Variants in DPP10 observed in about 807,000 individuals in gnomAD.
The protein encoded by DPP10 is inactive dipeptidyl peptidase 10.
Under a neutral mutation model 120.9 loss-of-function variants are expected in DPP10, and 33 were observed. The ratio of observed to expected loss-of-function variants is 0.27; its 90% confidence interval spans 0.21 to 0.37. The LOEUF is 0.37. Ranked by LOEUF, DPP10 falls within the 10% of genes least tolerant of loss-of-function variation. DPP10 has a pLI of 1.00. For missense variants in DPP10, 816 were observed against 942.8 expected, an observed-to-expected ratio of 0.87 and a Z score of 1.76; for synonymous variants, 337 against 326.1, an observed-to-expected ratio of 1.03 and a Z score of -0.36.
At chr2:115,397,447 T>G (rs1212752993) in intron 3 of DPP10, among the ~76,000 whole-genome samples, 1 of 152,200 alleles carries the variant, frequency 6.6e-6, no homozygotes, top group Non-Finnish European at 1.5e-5. Context: ...AAAGATAGTG[T>G]GCCATAGTCA....
intron 1 of DPP10, among the ~76,000 whole-genome samples, chr2:114,476,211 A>G (rs1251968432): frequency 1.3e-5 from 2 of 152,200 alleles, no homozygotes; most frequent in African/African-American, 4.8e-5. Context: ...TGTGTATTTA[A>G]TGGATATCTA....
intron 1 of DPP10, among the ~76,000 whole-genome samples, chr2:114,580,589 A>C (rs987093617): frequency 7.2e-5 from 11 of 152,200 alleles, no homozygotes; most frequent in Non-Finnish European, 1.5e-4. Context: ...ATAAAACTTT[A>C]AATTTTATCT....
chr2:115,510,873 T>C (rs576972527), intron 4 of DPP10, among the ~76,000 whole-genome samples: 1 of 152,194 alleles, frequency 6.6e-6, no homozygotes, highest in Non-Finnish European at 1.5e-5. Context: ...AATTTGTTAC[T>C]AGGTATTTTA....
At chr2:115,754,189 C>A (rs1679108857) in intron 11 of DPP10, among the ~76,000 whole-genome samples, 1 of 152,076 alleles carries the variant, frequency 6.6e-6, no homozygotes, top group Admixed American at 6.6e-5. Context: ...TTTTTGTGAT[C>A]TAAGCAGACA....
chr2:114,684,571 C>T (rs1442752393), intron 1 of DPP10, among the ~76,000 whole-genome samples: 1 of 151,934 alleles, frequency 6.6e-6, no homozygotes, highest in Non-Finnish European at 1.5e-5. Flanking sequence ...AGAAACTTGA[C>T]TGCACTAGGA....
intron 1 of DPP10, among the ~76,000 whole-genome samples, chr2:115,149,724 A>G (rs181024075): frequency 2.1e-3 from 321 of 152,210 alleles, no homozygotes; most frequent in African/African-American, 7.3e-3. Context: ...TAACACCACA[A>G]CCTGGTTGCA....
At chr2:115,153,696 CT>C (rs779788274) in intron 1 of DPP10, among the ~76,000 whole-genome samples, 15 of 152,098 alleles carry the variant, frequency 9.9e-5, no homozygotes, top group Admixed American at 1.3e-4. Flanking sequence ...CTGATTTTAC[CT>C]TTTTTGAAGT....
chr2:115,119,254 G>A (rs1187905993), intron 1 of DPP10, among the ~76,000 whole-genome samples: 1 of 152,120 alleles, frequency 6.6e-6, no homozygotes, highest in African/African-American at 2.4e-5. Flanking sequence ...TCATATACCA[G>A]TTAAACTGCA....
At chr2:115,570,596 G>T (rs1415960130) in intron 5 of DPP10, among the ~76,000 whole-genome samples, 4 of 152,148 alleles carry the variant, frequency 2.6e-5, no homozygotes, top group Non-Finnish European at 5.9e-5. Context: ...ATCTTCAGGT[G>T]AATGCCAAAT....
At chr2:114,795,328 A>T (rs200159000) in intron 1 of DPP10, among the ~76,000 whole-genome samples, 5 of 29,714 alleles carry the variant, frequency 1.7e-4, no homozygotes, top group Admixed American at 6.1e-4. Context: ...ACTAAAAATT[A>T]AAAAAAAAAA....
At chr2:114,912,640 G>C (rs1469142481) in intron 1 of DPP10, among the ~76,000 whole-genome samples, 1 of 151,962 alleles carries the variant, frequency 6.6e-6, no homozygotes, top group Admixed American at 6.6e-5. Flanking sequence ...TACAGACCTG[G>C]GGCTGAAGCA....
At chr2:114,656,852 G>A (rs1412675190) in intron 1 of DPP10, among the ~76,000 whole-genome samples, 1 of 152,068 alleles carries the variant, frequency 6.6e-6, no homozygotes, top group Non-Finnish European at 1.5e-5. Context: ...TTTTCAAAAG[G>A]TATTAATAAC....
chr2:115,315,143 A>G (rs944606791), intron 2 of DPP10, among the ~76,000 whole-genome samples: 2 of 151,912 alleles, frequency 1.3e-5, no homozygotes, highest in African/African-American at 4.8e-5. Flanking sequence ...GCCCACAAAT[A>G]TGATGTTGAG....
At chr2:114,644,862 G>A (rs1038411688) in intron 1 of DPP10, among the ~76,000 whole-genome samples, 1 of 151,794 alleles carries the variant, frequency 6.6e-6, no homozygotes, top group Admixed American at 6.5e-5. Flanking sequence ...CTTTCTGATC[G>A]AGTGGGTAAA....
At chr2:114,767,172 A>G (rs1380402640) in intron 1 of DPP10, among the ~76,000 whole-genome samples, 1 of 140,184 alleles carries the variant, frequency 7.1e-6, no homozygotes. Context: ...TATCAAGACC[A>G]TAGTTAGACA....
At chr2:115,768,938 A>C (rs1205467608) in intron 13 of DPP10, among the ~76,000 whole-genome samples, 1 of 152,066 alleles carries the variant, frequency 6.6e-6, no homozygotes, top group Non-Finnish European at 1.5e-5. Flanking sequence ...TGTAAAATAT[A>C]ATCTATGTTT....
intron 5 of DPP10, among the ~76,000 whole-genome samples, chr2:115,673,156 T>C (rs2090037341): frequency 6.6e-6 from 1 of 152,204 alleles, no homozygotes; most frequent in African/African-American, 2.4e-5. Context: ...CTCTACTCTC[T>C]CTCCAAAACA....
chr2:115,076,660 T>TAA (rs757787194), intron 1 of DPP10, among the ~76,000 whole-genome samples: 1 of 152,206 alleles, frequency 6.6e-6, no homozygotes, highest in African/African-American at 2.4e-5. Flanking sequence ...GAGTTTTCTC[T>TAA]ATGTTGGTAA....
rs113038797 is a variant in DPP10 at position 115,810,933 on chromosome 2, A to T, written c.1701-3860A>T. 8.6e-3 allele frequency among the ~76,000 whole-genome samples: 1,311 copies of T among 152,350 alleles called. 9 individuals carry two copies. Among genetic ancestry groups the T allele is most frequent in the Middle Eastern group, 0.02 (6 of 294 alleles). On this transcript the variant is annotated intron_variant, in intron 19 of 25. Coordinates refer to ENST00000410059, the MANE Select transcript of DPP10 (RefSeq NM_020868.6). ...AGCCAATACACACATGAGTCGTGGT[A>T]CCCATTTATTATAAGATAGATGATT...
Sources: allele counts gnomAD v4.1 joint callset (sites outside exome capture counted in the v4.1 genomes callset), GRCh38; gene constraint gnomAD v4.1.1; transcripts MANE v1.5; gene names NCBI Gene and HGNC (gene_info 2026-07-23, HGNC 2026-07-21).